Variants in BCL2L14 observed in about 807,000 individuals in gnomAD.
BCL2L14 encodes apoptosis facilitator Bcl-2-like protein 14.
A neutral mutation model predicts 35.3 loss-of-function variants in BCL2L14; 27 were observed. The ratio of observed to expected loss-of-function variants is 0.76; its 90% CI spans 0.56 to 1.05. The LOEUF is 1.05. BCL2L14 is among the 50% of genes least tolerant of loss of function. The pLI is 0.00. For missense variants in BCL2L14, 377 were observed against 382.6 expected, an observed-to-expected ratio of 0.99 and a Z score of 0.12; for synonymous variants, 139 against 145.9, an observed-to-expected ratio of 0.95 and a Z score of 0.34.
At chr12:12,050,289 T>C (rs747788185) in intron 1 of BCL2L14, among the ~76,000 whole-genome samples, 12 of 151,570 alleles carry the variant, frequency 7.9e-5, no homozygotes, top group Non-Finnish European at 1.3e-4. Context: ...CTCAATTAGC[T>C]GGGCGTGGTG....
At chr12:12,070,197 C>T (rs1948647743), upstream of BCL2L14, among the ~76,000 whole-genome samples, 1 of 152,068 alleles carries the variant, frequency 6.6e-6, no homozygotes, top group Non-Finnish European at 1.5e-5. Context: ...AACACTTTTC[C>T]AGTGGTTCCA....
Position 12,079,680 on chromosome 12 carries a change from G to A in BCL2L14, c.375G>A (p.Ser125=), listed in dbSNP as rs748708542. 16 of 1,614,090 alleles carry A rather than the reference G, an allele frequency of 9.9e-6. No homozygotes were observed. The highest frequency in any genetic ancestry group is 1.7e-5 in the Admixed American group (1 of 59,998). Residue 125 remains serine, a synonymous_variant, in exon 2 of 6, where the codon TCG becomes TCA. Coordinates refer to ENST00000308721, the MANE Select transcript of BCL2L14 (RefSeq NM_138723.2). ...AAAGGACGTTGGAATACCAAGATTC[G>A]CACAGCCAGCAGTGGTCCAGGTGTC... The part of the protein sequence containing the change: ...QGQRTLEYQD[S]HSQQWSRCLS...
At chr12:12,092,028 A>G (rs1352387648) in intron 4 of BCL2L14, among the ~76,000 whole-genome samples, 1 of 152,196 alleles carries the variant, frequency 6.6e-6, no homozygotes, top group Non-Finnish European at 1.5e-5. Flanking sequence ...AATTGCAAGT[A>G]GGTGCCAATA....
chr12:12,067,461 G>C (rs1948607371), upstream of BCL2L14, among the ~76,000 whole-genome samples: 2 of 152,004 alleles, frequency 1.3e-5, no homozygotes, highest in Admixed American at 6.6e-5. Context: ...TGAGGTGGGA[G>C]AATAGCTTGA....
At chr12:12,084,949 C>T (rs1314164140) in intron 2 of BCL2L14, among the ~76,000 whole-genome samples, 2 of 151,544 alleles carry the variant, frequency 1.3e-5, no homozygotes, top group Non-Finnish European at 2.9e-5. Context: ...TGGCGGGAGC[C>T]ACTACGTCCT....
At chr12:12,057,133 C>A (rs1446800514) in intron 2 of BCL2L14, among the ~76,000 whole-genome samples, 1 of 152,098 alleles carries the variant, frequency 6.6e-6, no homozygotes, top group Non-Finnish European at 1.5e-5. Context: ...ATAAGAAATA[C>A]CGAAATAAAT....
intron 5 of BCL2L14, among the ~76,000 whole-genome samples, chr12:12,097,011 G>C (rs1375639873): frequency 1.3e-5 from 2 of 152,202 alleles, no homozygotes; most frequent in Admixed American, 6.5e-5. Flanking sequence ...GGGCATGGTG[G>C]CAGGTGCCTG....
At chr12:12,078,795 C>CT (rs1948839660) in intron 1 of BCL2L14, among the ~76,000 whole-genome samples, 1 of 17,484 alleles carries the variant, frequency 5.7e-5, no homozygotes, top group East Asian at 2.4e-3. Flanking sequence ...TTCATTCTCT[C>CT]TCTGTTGTTT....
chr12:12,082,272 G>A (rs12426923), intron 2 of BCL2L14, among the ~76,000 whole-genome samples: 42,205 of 152,136 alleles, frequency 0.28, 6,052 homozygotes, highest in Middle Eastern at 0.33. Context: ...TGCCCAGCTA[G>A]GGCAGGTCTA....
chr12:12,083,043 C>A (rs1047718606), intron 2 of BCL2L14, among the ~76,000 whole-genome samples: 3 of 152,220 alleles, frequency 2.0e-5, no homozygotes, highest in Non-Finnish European at 4.4e-5. Context: ...CGGCTCACTG[C>A]AACCTCTGCC....
intron 2 of BCL2L14, among the ~76,000 whole-genome samples, chr12:12,058,343 C>T (rs35603802): frequency 0.48 from 72,275 of 151,230 alleles, 17,797 homozygotes; most frequent in East Asian, 0.77. Context: ...CTCCGCTTCC[C>T]GGGTTCAAGC....
At chr12:12,051,720 A>G (rs1391623061) in intron 1 of BCL2L14, 1 of 152,206 alleles carries the variant, frequency 6.6e-6, no homozygotes, top group Non-Finnish European at 1.5e-5. Context: ...GCACTTCATG[A>G]TAGTCTAATA....
At chr12:12,085,463 G>T (rs565068412) in intron 2 of BCL2L14, among the ~76,000 whole-genome samples, 1 of 152,304 alleles carries the variant, frequency 6.6e-6, no homozygotes, top group South Asian at 2.1e-4. Context: ...TGCAATAAGG[G>T]GATTACAAAG....
At chr12:12,060,033 G>C (rs1032507984) in intron 2 of BCL2L14, among the ~76,000 whole-genome samples, 3 of 151,272 alleles carry the variant, frequency 2.0e-5, no homozygotes, top group Non-Finnish European at 2.9e-5. Context: ...AAGCGTCGCC[G>C]AGTCTTTCTA....
chr12:12,092,723 G>A (rs1313764860), intron 4 of BCL2L14, among the ~76,000 whole-genome samples: 7 of 152,304 alleles, frequency 4.6e-5, no homozygotes, highest in Admixed American at 2.0e-4. Context: ...AGAGGAGTCT[G>A]TTCCCTGTTA....
At chr12:12,095,589 T>G in intron 5 of BCL2L14, 1 of 985,392 alleles carries the variant, frequency 1.0e-6, no homozygotes, top group Non-Finnish European at 1.2e-6. Context: ...CGTGTCAAAA[T>G]GTACTACCCC....
At chr12:12,061,999 T>C (rs1948532783) in intron 2 of BCL2L14, among the ~76,000 whole-genome samples, 2 of 152,176 alleles carry the variant, frequency 1.3e-5, no homozygotes, top group South Asian at 4.1e-4. Context: ...CAACTTGACC[T>C]TACTGTTTTA....
chr12:12,091,426 A>T (rs1949186195), intron 4 of BCL2L14, among the ~76,000 whole-genome samples: 1 of 152,148 alleles, frequency 6.6e-6, no homozygotes. Context: ...CTTCAGGTAA[A>T]CAGTTGGTGA....
At chr12:12,073,556 C>A (rs1320971755) in intron 1 of BCL2L14, among the ~76,000 whole-genome samples, 1 of 151,486 alleles carries the variant, frequency 6.6e-6, no homozygotes, top group African/African-American at 2.4e-5. Flanking sequence ...ACTCCCCCCG[C>A]CACACACACA....
Sources: gnomAD v4.1 joint callset for allele counts (sites outside exome capture counted in the v4.1 genomes callset) on GRCh38, gnomAD v4.1.1 for gene constraint, MANE v1.5 for transcripts, NCBI Gene and HGNC (gene_info 2026-07-23, HGNC 2026-07-21) for gene names.